SNTG2: variants seen among roughly 807,000 people sequenced by gnomAD.
SNTG2 encodes syntrophin gamma 2, also known as gamma-2-syntrophin.
Under a neutral mutation model 70.9 loss-of-function variants are expected in SNTG2, and 74 were observed. That is an observed-to-expected ratio of 1.04 (90% CI 0.86 to 1.27). SNTG2 has a LOEUF of 1.27. Ranked by LOEUF, SNTG2 falls within the 50% of genes most tolerant of loss-of-function variation. The pLI, the probability that SNTG2 is intolerant of heterozygous loss-of-function variation, is 0.00. For synonymous variants in SNTG2, 278 were observed against 273.8 expected (o/e 1.02, Z -0.15); for missense variants, 717 against 690.7 (o/e 1.04, Z -0.43).
At chr2:1,320,968 C>T (rs1681494536) in intron 16 of SNTG2, among the ~76,000 whole-genome samples, 1 of 152,130 alleles carries the variant, frequency 6.6e-6, no homozygotes, top group South Asian at 2.1e-4. Context: ...TTTAGTTTAG[C>T]TTTTTTATAT....
chr2:1,004,950 G>A (rs1199514122), intron 1 of SNTG2, among the ~76,000 whole-genome samples: 2 of 152,106 alleles, frequency 1.3e-5, no homozygotes, highest in African/African-American at 4.8e-5. Flanking sequence ...TCCTTCAGAA[G>A]GTGAATGGAG....
chr2:1,258,908 T>TA (rs1678265676), intron 12 of SNTG2, among the ~76,000 whole-genome samples: 1 of 152,208 alleles, frequency 6.6e-6, no homozygotes, highest in African/African-American at 2.4e-5. Context: ...AGTTTAGTTC[T>TA]AAAAAGCAAA....
At chr2:1,024,192 A>G (rs1451805128) in intron 1 of SNTG2, among the ~76,000 whole-genome samples, 1 of 152,236 alleles carries the variant, frequency 6.6e-6, no homozygotes, top group African/African-American at 2.4e-5. Context: ...AAAATGAAGC[A>G]GAAAAAGATA....
At chr2:1,099,682 T>TCAGGTCCTCTGAAG in intron 4 of SNTG2, among the ~76,000 whole-genome samples, 1 of 31,598 alleles carries the variant, frequency 3.2e-5, no homozygotes, top group African/African-American at 9.4e-5. Context: ...TGAGGGCAGT[T>TCAGGTCCTCTGAAG]GTGGTGAGGG....
Position 1,197,505 on chromosome 2 carries a change from A to G in SNTG2, c.592-11598A>G, listed in dbSNP as rs1450359117. ...TATATATGTGTATGTATATATGTGTATGTATATATATGTGTGTGTGTGTGT... is the reference window on the plus strand; with the variant it reads ...TATATATGTGTATGTATATATGTGTGTGTATATATATGTGTGTGTGTGTGT... On this transcript the variant is annotated intron_variant, in intron 8 of 16. Coordinates refer to ENST00000308624, the MANE Select transcript of SNTG2 (RefSeq NM_018968.4). 7.7e-4 allele frequency among the ~76,000 whole-genome samples: 63 copies of G among 82,336 alleles called. 1 individual carries two copies. Among genetic ancestry groups the G allele is most frequent in the Admixed American group, 1.7e-3 (10 of 5,856 alleles). 54.0% of individuals were successfully genotyped at this position (82,336 alleles called of 152,430 possible).
chr2:1,237,901 G>C lies in SNTG2; in HGVS notation c.733G>C (p.Glu245Gln), dbSNP rs368357440. The change falls in exon 10 of 17, where the codon GAG (glutamate) becomes CAG (glutamine). Residue 245 changes from glutamate (E) to glutamine (Q), a missense_variant. Physicochemically the swap from Glu to Gln is conservative, Grantham distance 29. Coordinates refer to ENST00000308624, the MANE Select transcript of SNTG2 (RefSeq NM_018968.4). ...CTCCCTCCCCAGGTGGAATGCGTTC[G>C]AGGTGCTCGCCCTGGACGGAGTCAG... ...GTEKLRWNAFEVLALDGVSSG... is the reference protein window; with the variant it reads ...GTEKLRWNAFQVLALDGVSSG... The C allele has an allele frequency of 2.5e-6, 4 of 1,603,524 alleles. No individual in the cohort carries two copies. Among genetic ancestry groups the C allele is most frequent in the Non-Finnish European group, 3.4e-6 (4 of 1,175,468 alleles).
chr2:1,274,713 G>A (rs1469360005), intron 14 of SNTG2, among the ~76,000 whole-genome samples: 1 of 152,126 alleles, frequency 6.6e-6, no homozygotes, highest in Non-Finnish European at 1.5e-5. Flanking sequence ...CCTGGATTTT[G>A]TTGTAGGAGC....
rs1255106299 is a variant in SNTG2 at position 1,064,676 on chromosome 2, A to C, written c.73-18842A>C. 2.6e-5 allele frequency among the ~76,000 whole-genome samples: 4 copies of C among 152,172 alleles called. No individual in the cohort carries two copies. The East Asian group carries it at 7.7e-4, about 29-fold the overall frequency. Reference sequence around the variant, plus strand: ...AACTGTTAGGAAATTTTAAGAATCTACATGTTTTAGAAAAAACATTAAAAG... The same window carrying C: ...AACTGTTAGGAAATTTTAAGAATCTCCATGTTTTAGAAAAAACATTAAAAG... On this transcript the variant is annotated intron_variant, in intron 1 of 16. Coordinates refer to ENST00000308624, the MANE Select transcript of SNTG2 (RefSeq NM_018968.4).
At chr2:1,203,673 A>ATAT (rs1553355185) in intron 8 of SNTG2, among the ~76,000 whole-genome samples, 742 of 115,372 alleles carry the variant, frequency 6.4e-3, no homozygotes, top group Middle Eastern at 0.016. Flanking sequence ...CAAAAAAAAA[A>ATAT]ATATATATAT....
At chr2:1,257,498 T>C (rs1470242388) in intron 12 of SNTG2, among the ~76,000 whole-genome samples, 3 of 152,152 alleles carry the variant, frequency 2.0e-5, no homozygotes, top group Non-Finnish European at 4.4e-5. Flanking sequence ...AGGGGCTTAA[T>C]AAACAGATGA....
chr2:1,172,181 G>A (rs1209407856), intron 7 of SNTG2, among the ~76,000 whole-genome samples: 1 of 152,170 alleles, frequency 6.6e-6, no homozygotes, highest in Non-Finnish European at 1.5e-5. Flanking sequence ...TGCTAGTGCT[G>A]TTCTCAGTGC....
intron 11 of SNTG2, among the ~76,000 whole-genome samples, chr2:1,240,665 TGAGAA>T (rs984822077): frequency 3.3e-5 from 5 of 152,210 alleles, no homozygotes; most frequent in Non-Finnish European, 5.9e-5. Context: ...ATGGAGGACT[TGAGAA>T]GAGCAGGTCC....
At chr2:1,217,900 C>T (rs1462252952) in intron 9 of SNTG2, among the ~76,000 whole-genome samples, 1 of 151,996 alleles carries the variant, frequency 6.6e-6, no homozygotes, top group Non-Finnish European at 1.5e-5. Context: ...TCTCACAGTC[C>T]TCATGGGTCA....
chr2:1,060,365 A>G (rs1418630117), intron 1 of SNTG2, among the ~76,000 whole-genome samples: 1 of 152,162 alleles, frequency 6.6e-6, no homozygotes, highest in East Asian at 1.9e-4. Context: ...GTATGTGTGT[A>G]CTGTGTGTGT....
chr2:980,184 G>A (rs1661052583), intron 1 of SNTG2, among the ~76,000 whole-genome samples: 1 of 152,138 alleles, frequency 6.6e-6, no homozygotes, highest in African/African-American at 2.4e-5. Context: ...CAAGTGCTGT[G>A]TATTCATGTT....
chr2:1,320,549 AAAAG>A (rs1558205601), intron 16 of SNTG2, among the ~76,000 whole-genome samples: 2 of 150,644 alleles, frequency 1.3e-5, no homozygotes, highest in South Asian at 2.1e-4. Flanking sequence ...AAAAAAAAAA[AAAAG>A]AAAGAAAAAA....
At chr2:1,337,729 C>T (rs1455489172) in intron 16 of SNTG2, among the ~76,000 whole-genome samples, 2 of 152,114 alleles carry the variant, frequency 1.3e-5, no homozygotes, top group Non-Finnish European at 2.9e-5. Context: ...TTTATCTATG[C>T]TTTCTTTGAT....
At chr2:1,125,184 C>A (rs1382062725) in intron 4 of SNTG2, among the ~76,000 whole-genome samples, 1 of 152,116 alleles carries the variant, frequency 6.6e-6, no homozygotes, top group Non-Finnish European at 1.5e-5. Context: ...TAAAAGTCTT[C>A]ATTTTAATAC....
At chr2:1,336,432 A>AT (rs1241307525) in intron 16 of SNTG2, among the ~76,000 whole-genome samples, 2 of 151,942 alleles carry the variant, frequency 1.3e-5, no homozygotes, top group Non-Finnish European at 2.9e-5. Context: ...TTTGTTTATT[A>AT]TTTTTATTGC....
Sources: gnomAD v4.1 joint callset for allele counts (sites outside exome capture counted in the v4.1 genomes callset) on GRCh38, gnomAD v4.1.1 for gene constraint, MANE v1.5 for transcripts, NCBI Gene and HGNC (gene_info 2026-07-23, HGNC 2026-07-21) for gene names.